LHFPL1: variants seen among roughly 807,000 people sequenced by gnomAD.
LHFPL1 encodes LHFPL tetraspan subfamily member 1 protein.
Under a neutral mutation model 12.1 loss-of-function variants are expected in LHFPL1, and 4 were observed. The observed-to-expected ratio is 0.33, with a 90% CI of 0.16 to 0.76. The LOEUF (loss-of-function observed/expected upper bound fraction) is 0.76, where lower values mean the gene tolerates loss of function less well. Ranked by LOEUF, LHFPL1 falls within the 30% of genes least tolerant of loss-of-function variation. The probability of loss-of-function intolerance (pLI) is 0.61; values close to 1 mark genes in which losing one functional copy is unlikely to be tolerated. For missense variants in LHFPL1, 141 were observed against 174.1 expected (o/e 0.81, Z 1.07); for synonymous variants, 52 against 61.9 (o/e 0.84, Z 0.75).
At chrX:112,651,100 G>A (rs889322693) in intron 3 of LHFPL1, among the ~76,000 whole-genome samples, 1 of 111,773 alleles carries the variant, frequency 8.9e-6, no homozygotes, top group Non-Finnish European at 1.9e-5. Flanking sequence ...GTGCCATATA[G>A]GAGTTCGCTA....
At chrX:112,656,112 A>G (rs1371251132) in intron 3 of LHFPL1, among the ~76,000 whole-genome samples, 1 of 111,918 alleles carries the variant, frequency 8.9e-6, no homozygotes, top group Non-Finnish European at 1.9e-5. Flanking sequence ...AAAAGCCCTT[A>G]ACAAAATCGT....
intron 3 of LHFPL1, among the ~76,000 whole-genome samples, chrX:112,634,238 T>C (rs1930273710): frequency 9.0e-6 from 1 of 111,238 alleles, no homozygotes; most frequent in African/African-American, 3.3e-5. Flanking sequence ...CCCTCTGCAG[T>C]TTTGTTTTCA....
At chrX:112,663,886 T>A (rs1931257777) in intron 2 of LHFPL1, among the ~76,000 whole-genome samples, 1 of 110,741 alleles carries the variant, frequency 9.0e-6, no homozygotes, top group Admixed American at 9.5e-5. Flanking sequence ...GCTGTGTGAG[T>A]TTACGCAAGT....
At chrX:112,644,328 G>C (rs1205914122) in intron 3 of LHFPL1, among the ~76,000 whole-genome samples, 1 of 111,249 alleles carries the variant, frequency 9.0e-6, no homozygotes, top group Non-Finnish European at 1.9e-5. Flanking sequence ...TCCTCTAGAA[G>C]GGATGCCTTA....
At chrX:112,654,649 AT>A (rs1266626341) in intron 3 of LHFPL1, among the ~76,000 whole-genome samples, 2 of 110,248 alleles carry the variant, frequency 1.8e-5, no homozygotes, top group Non-Finnish European at 3.8e-5. Flanking sequence ...CTTAATGGTC[AT>A]TTTGGGGAAT....
chrX:112,656,474 C>A (rs1215392373), intron 3 of LHFPL1, among the ~76,000 whole-genome samples: 1 of 111,225 alleles, frequency 9.0e-6, no homozygotes, highest in Admixed American at 9.6e-5. Context: ...GATCTCCATT[C>A]TCACAAGTTC....
Position 112,660,663 on chromosome X carries a change from G to A in LHFPL1, c.445C>T (p.Gln149Ter). The A allele has an allele frequency of 8.3e-7, 1 of 1,210,725 alleles. No homozygotes were observed. Among genetic ancestry groups the A allele is most frequent in the Non-Finnish European group, 1.1e-6 (1 of 894,567 alleles). The change falls in exon 3 of 4, where the codon CAA becomes TAA. Residue 149 changes from glutamine to a stop codon, truncating the protein, a stop_gained. Transcript: ENST00000371968. LOFTEE classifies it high-confidence loss of function. Reference protein sequence around the residue: ...PLGWNSPEIMQTCGNVSNQFQ... With the variant: ...PLGWNSPEIM ...TGATTGGAGACATTCCCACATGTTTGCATTATCTCCGGGCTATTCCATCCT... is the reference window on the plus strand; with the variant it reads ...TGATTGGAGACATTCCCACATGTTTACATTATCTCCGGGCTATTCCATCCT...
At chrX:112,639,799 C>T (rs1338032915) in intron 3 of LHFPL1, among the ~76,000 whole-genome samples, 1 of 112,259 alleles carries the variant, frequency 8.9e-6, no homozygotes, top group Non-Finnish European at 1.9e-5. Flanking sequence ...CCAGATTTAC[C>T]TTTAGCTGCC....
chrX:112,637,772 C>G (rs1930387802), intron 3 of LHFPL1, among the ~76,000 whole-genome samples: 1 of 111,919 alleles, frequency 8.9e-6, no homozygotes, highest in South Asian at 3.7e-4. Context: ...CCCATAATGA[C>G]AACTAACACC....
intron 3 of LHFPL1, among the ~76,000 whole-genome samples, chrX:112,641,561 G>T (rs189399552): frequency 8.9e-6 from 1 of 112,034 alleles, no homozygotes; most frequent in Middle Eastern, 4.2e-3. Context: ...CAGCTTCTCC[G>T]TGAGTAAAAT....
At chrX:112,660,222 G>C (rs1486202859) in intron 3 of LHFPL1, among the ~76,000 whole-genome samples, 1 of 112,072 alleles carries the variant, frequency 8.9e-6, no homozygotes, top group East Asian at 2.8e-4. Context: ...TCATGCTTCA[G>C]GTAAACTAAA....
At position 112,671,399 on chromosome X, in the gene LHFPL1, G is replaced by A; in HGVS notation, c.-9C>T. On this transcript the variant is annotated 5_prime_UTR_variant, in exon 2 of 4. Transcript: ENST00000371968. Reference sequence around the variant, plus strand: ...GTCAGGCTGCTCCTCATGGTCACAGGTTTCTCTGCAGGGATGGGGAGATGA... The same window carrying A: ...GTCAGGCTGCTCCTCATGGTCACAGATTTCTCTGCAGGGATGGGGAGATGA... 8.3e-7 allele frequency: 1 copy of A among 1,211,688 alleles called. No individual in the cohort carries two copies. Among genetic ancestry groups the A allele is most frequent in the South Asian group, 1.8e-5 (1 of 56,992 alleles).
intron 3 of LHFPL1, among the ~76,000 whole-genome samples, chrX:112,632,803 C>T (rs16987023): frequency 0.016 from 1,742 of 111,909 alleles, 43 homozygotes; most frequent in African/African-American, 0.052. Context: ...TTGGCTGCTT[C>T]GCTTTCCCAT....
At chrX:112,672,075 T>C (rs1460475654) in intron 1 of LHFPL1, among the ~76,000 whole-genome samples, 2 of 111,744 alleles carry the variant, frequency 1.8e-5, no homozygotes, top group Non-Finnish European at 3.8e-5. Flanking sequence ...GTGTCTAGTC[T>C]CATACCCTAT....
chrX:112,660,598 A>G, intron 3 of LHFPL1, 29 bp downstream of exon 3: 1 of 1,124,549 alleles, frequency 8.9e-7, no homozygotes, highest in Non-Finnish European at 1.2e-6. Context: ...CCCATGAACC[A>G]TCACTGCCAT....
At chrX:112,678,145 G>A (rs929943611) in intron 1 of LHFPL1, among the ~76,000 whole-genome samples, 14 of 111,219 alleles carry the variant, frequency 1.3e-4, no homozygotes, top group African/African-American at 4.6e-4. Context: ...GAGACAAAGA[G>A]AGCTCATAAA....
intron 3 of LHFPL1, among the ~76,000 whole-genome samples, chrX:112,653,382 C>T (rs918695081): frequency 4.5e-5 from 5 of 111,651 alleles, no homozygotes; most frequent in Non-Finnish European, 9.4e-5. Flanking sequence ...GAATTTTGCT[C>T]CTTCAGTTAT....
At chrX:112,633,288 C>G (rs1930242942) in intron 3 of LHFPL1, among the ~76,000 whole-genome samples, 1 of 111,801 alleles carries the variant, frequency 8.9e-6, no homozygotes, top group African/African-American at 3.3e-5. Flanking sequence ...CCCTTAACAC[C>G]TAAAACTATG....
intron 3 of LHFPL1, among the ~76,000 whole-genome samples, chrX:112,643,338 C>T (rs1300920502): frequency 3.1e-5 from 3 of 98,102 alleles, no homozygotes; most frequent in Non-Finnish European, 4.0e-5. Flanking sequence ...GAGATCGTGC[C>T]ACTGCACTTC....
Sources: allele counts gnomAD v4.1 joint callset (sites outside exome capture counted in the v4.1 genomes callset), GRCh38; gene constraint gnomAD v4.1.1; transcripts MANE v1.5; gene names NCBI Gene and HGNC (gene_info 2026-07-23, HGNC 2026-07-21).